Variants in ARFIP1 observed in about 807,000 individuals in gnomAD.
ARFIP1 encodes the protein arfaptin-1.
In ARFIP1, 24 loss-of-function variants were observed where a neutral mutation model predicts 42.5. The ratio of observed to expected loss-of-function variants is 0.57; its 90% CI spans 0.41 to 0.80. The LOEUF is 0.80. ARFIP1 is among the 30% of genes least tolerant of loss of function. ARFIP1 has a pLI of 0.00. For missense variants in ARFIP1, 354 were observed against 434.0 expected, an observed-to-expected ratio of 0.82 and a Z score of 1.64; for synonymous variants, 141 against 153.7, an observed-to-expected ratio of 0.92 and a Z score of 0.61.
chr4:152,804,656 A>G (rs897849213), intron 1 of ARFIP1, among the ~76,000 whole-genome samples: 3 of 150,322 alleles, frequency 2.0e-5, no homozygotes, highest in African/African-American at 7.4e-5. Context: ...CAAATTTCCT[A>G]ATCTTTCTGT....
At chr4:152,886,167 G>A (rs1374430682) in intron 7 of ARFIP1, among the ~76,000 whole-genome samples, 3 of 151,892 alleles carry the variant, frequency 2.0e-5, no homozygotes, top group Admixed American at 6.6e-5. Flanking sequence ...TATGTCCATC[G>A]TTTTCTAATA....
Position 152,872,495 on chromosome 4 carries a change from A to G in ARFIP1, c.342A>G (p.Ala114=), listed in dbSNP as rs1298356306. The G allele has an allele frequency of 6.2e-7, 1 of 1,612,196 alleles. No homozygotes were observed. The highest frequency in any genetic ancestry group is 8.5e-7 in the Non-Finnish European group (1 of 1,179,196). Residue 114 remains alanine, a synonymous_variant, in exon 5 of 9, where the codon GCA becomes GCG. Transcript: ENST00000353617. ...TQTKSGPVIL[A]DEIKNPAMEK... Reference sequence around the variant, plus strand: ...CAAAAAGTGGACCAGTTATTCTAGCAGATGAAATTAAAAATCCTGCAATGG... The same window carrying G: ...CAAAAAGTGGACCAGTTATTCTAGCGGATGAAATTAAAAATCCTGCAATGG...
chr4:152,873,609 T>G (rs947944073), intron 5 of ARFIP1, among the ~76,000 whole-genome samples: 1 of 152,208 alleles, frequency 6.6e-6, no homozygotes, highest in Non-Finnish European at 1.5e-5. Flanking sequence ...TCTTGCTGAT[T>G]CCACATAGCC....
At chr4:152,815,901 C>A (rs914827762) in intron 1 of ARFIP1, among the ~76,000 whole-genome samples, 5 of 151,842 alleles carry the variant, frequency 3.3e-5, no homozygotes, top group Non-Finnish European at 5.9e-5. Context: ...CCCGCCACTA[C>A]GCCCGGCTAA....
chr4:152,811,553 G>A (rs1729470156), intron 1 of ARFIP1, among the ~76,000 whole-genome samples: 2 of 152,178 alleles, frequency 1.3e-5, no homozygotes, highest in South Asian at 4.1e-4. Context: ...TCATGTTCCA[G>A]AAATGGTAAG....
intron 2 of ARFIP1, among the ~76,000 whole-genome samples, chr4:152,830,015 T>G (rs541870567): frequency 6.6e-6 from 1 of 152,258 alleles, no homozygotes; most frequent in African/African-American, 2.4e-5. Context: ...TAATTCTGTT[T>G]GTAATAAAAA....
chr4:152,821,491 A>T (rs1311755771), intron 1 of ARFIP1, among the ~76,000 whole-genome samples: 1 of 152,162 alleles, frequency 6.6e-6, no homozygotes, highest in African/African-American at 2.4e-5. Flanking sequence ...GGAAATAGGG[A>T]ATTATACAAA....
intron 1 of ARFIP1, among the ~76,000 whole-genome samples, chr4:152,813,871 C>T (rs1345979682): frequency 6.6e-6 from 1 of 152,014 alleles, no homozygotes; most frequent in Non-Finnish European, 1.5e-5. Context: ...TTTGTATTTA[C>T]CAAGTTATTT....
chr4:152,812,104 A>G (rs1320083874), intron 1 of ARFIP1, among the ~76,000 whole-genome samples: 1 of 152,198 alleles, frequency 6.6e-6, no homozygotes. Context: ...AACAATACAT[A>G]GTTCCATTGC....
At chr4:152,788,704 C>A (rs968653606) in intron 1 of ARFIP1, among the ~76,000 whole-genome samples, 2 of 151,760 alleles carry the variant, frequency 1.3e-5, no homozygotes, top group African/African-American at 4.8e-5. Flanking sequence ...CAAAAACATA[C>A]TACATTAGCA....
At chr4:152,905,450 T>G (rs1246251277) in intron 8 of ARFIP1, among the ~76,000 whole-genome samples, 1 of 151,940 alleles carries the variant, frequency 6.6e-6, no homozygotes, top group Non-Finnish European at 1.5e-5. Context: ...TCTTTTTATG[T>G]GCTTATTTGC....
intron 1 of ARFIP1, among the ~76,000 whole-genome samples, chr4:152,797,661 C>T (rs1731550382): frequency 6.6e-6 from 1 of 152,122 alleles, no homozygotes. Context: ...AGTTTTTACA[C>T]ATTGTTTAGT....
chr4:152,815,935 G>A (rs1165289673), intron 1 of ARFIP1, among the ~76,000 whole-genome samples: 8 of 151,788 alleles, frequency 5.3e-5, no homozygotes, highest in African/African-American at 7.2e-5. Flanking sequence ...TAGTAGAGAC[G>A]GGGTTTCACC....
intron 8 of ARFIP1, among the ~76,000 whole-genome samples, chr4:152,891,217 A>T (rs1440865461): frequency 6.6e-6 from 1 of 152,250 alleles, no homozygotes; most frequent in South Asian, 2.1e-4. Context: ...TGGCAGGGAC[A>T]CAAACATTCA....
chr4:152,845,043 A>G (rs1033202539), intron 2 of ARFIP1, among the ~76,000 whole-genome samples: 13 of 152,236 alleles, frequency 8.5e-5, no homozygotes, highest in African/African-American at 3.1e-4. Flanking sequence ...TAGAGAACCC[A>G]GAAATAAAGC....
At chr4:152,854,826 TG>T (rs1733292515) in intron 2 of ARFIP1, among the ~76,000 whole-genome samples, 1 of 152,224 alleles carries the variant, frequency 6.6e-6, no homozygotes, top group South Asian at 2.1e-4. Context: ...GGTCACTCTT[TG>T]GGCCCCAGTT....
intron 1 of ARFIP1, among the ~76,000 whole-genome samples, chr4:152,813,447 C>T (rs1729629750): frequency 1.3e-5 from 2 of 152,196 alleles, no homozygotes; most frequent in South Asian, 2.1e-4. Context: ...TTCCTCTCCT[C>T]CTCTTTTCCT....
At chr4:152,883,648 C>T (rs1207949511) in intron 7 of ARFIP1, among the ~76,000 whole-genome samples, 2 of 150,090 alleles carry the variant, frequency 1.3e-5, no homozygotes, top group East Asian at 1.9e-4. Context: ...ATACAGTTTC[C>T]CTGTCTCATA....
At chr4:152,906,629 T>C (rs1463607558) in intron 8 of ARFIP1, among the ~76,000 whole-genome samples, 1 of 152,248 alleles carries the variant, frequency 6.6e-6, no homozygotes, top group Non-Finnish European at 1.5e-5. Context: ...TCTCTACTTC[T>C]ACCTTTGCAT....
Sources: allele counts gnomAD v4.1 joint callset (sites outside exome capture counted in the v4.1 genomes callset), GRCh38; gene constraint gnomAD v4.1.1; transcripts MANE v1.5; gene names NCBI Gene and HGNC (gene_info 2026-07-23, HGNC 2026-07-21).